The following DNAJC24 variants were observed in gnomAD, a reference collection of about 807,000 sequenced individuals.
The protein encoded by DNAJC24 is DnaJ heat shock protein family (Hsp40) member C24.
A neutral mutation model predicts 18.0 loss-of-function variants in DNAJC24; 17 were observed. The ratio of observed to expected loss-of-function variants is 0.94; its 90% confidence interval spans 0.65 to 1.42. DNAJC24 has a LOEUF of 1.42. Among genes scored for constraint, DNAJC24 ranks in the 40% most tolerant of loss-of-function variants. The pLI is 0.00. For missense variants in DNAJC24, 158 were observed against 175.6 expected (o/e 0.90, Z 0.57); for synonymous variants, 55 against 57.7 (o/e 0.95, Z 0.21).
rs1185571912 is a variant in DNAJC24 at position 31,372,201 on chromosome 11, T to C, written c.111+1342T>C. Among the ~76,000 whole-genome samples, 7 of 152,162 alleles carry C rather than the reference T, an allele frequency of 4.6e-5. No homozygotes were observed. In the East Asian group the frequency reaches 1.2e-3, roughly 25 times the overall value. ...TTATATTCATTTTTTCAATCTGTAT[T>C]GTGATGCTTCTTAAGCCAATGTCTG... On this transcript the variant is annotated intron_variant, in intron 2 of 4. Transcript: ENST00000465995.
chr11:31,416,655 T>C (rs537274603), intron 3 of DNAJC24: 1 of 152,218 alleles, frequency 6.6e-6, no homozygotes, highest in African/African-American at 2.4e-5. Flanking sequence ...ATTAGTGAAG[T>C]TGACTAGAAG....
At position 31,373,057 on chromosome 11, in the gene DNAJC24, G is replaced by A. The variant is rs1265146815; in HGVS notation, c.111+2198G>A. ...GGCCATTTGTATAATTTTCTTTTAT[G>A]AAGTGTTTTTTTTTAAATTAAATAT... On this transcript the variant is annotated intron_variant, in intron 2 of 4. Coordinates refer to ENST00000465995, the MANE Select transcript of DNAJC24 (RefSeq NM_181706.5). Among the ~76,000 whole-genome samples, 13 of 134,022 alleles carry A rather than the reference G, an allele frequency of 9.7e-5. 3 individuals carry two copies. Among genetic ancestry groups the A allele is most frequent in the African/African-American group, 2.7e-4 (11 of 40,112 alleles). The allele number at this position is 134,022 out of a possible 152,430, so 87.9% of individuals were successfully genotyped here. A position where few individuals can be genotyped will look rare whatever the true frequency, so the allele number is the denominator to read the frequency against.
At chr11:31,394,248 G>T (rs951483890) in intron 2 of DNAJC24, among the ~76,000 whole-genome samples, 1 of 152,166 alleles carries the variant, frequency 6.6e-6, no homozygotes, top group Non-Finnish European at 1.5e-5. Context: ...TAAATAGACT[G>T]TGAAAAGGAT....
At chr11:31,412,555 G>A (rs1002321368) in intron 2 of DNAJC24, among the ~76,000 whole-genome samples, 22 of 152,118 alleles carry the variant, frequency 1.4e-4, no homozygotes, top group African/African-American at 5.3e-4. Context: ...TAGGGATATT[G>A]CCTTAATATC....
chr11:31,414,922 A>G lies in DNAJC24; in HGVS notation c.223A>G (p.Lys75Glu). 8.7e-6 allele frequency: 14 copies of G among 1,613,974 alleles called. No homozygotes were observed. The highest frequency in any genetic ancestry group is 1.0e-5 in the Non-Finnish European group (12 of 1,179,950). Residue 75 changes from lysine (K) to glutamate (E), a missense_variant, in exon 3 of 5, where the codon AAA becomes GAA. Physicochemically the swap from Lys to Glu is moderately conservative, Grantham distance 56. Transcript: ENST00000465995. The part of the protein sequence containing the change: ...AWKILGNEET[K>E]REYDLQRCED... ...GAAAATTCTAGGAAATGAAGAGACA[A>G]AAAGAGAGTATGACCTGCAGCGGTG...
intron 2 of DNAJC24, among the ~76,000 whole-genome samples, chr11:31,383,338 C>G (rs181093678): frequency 1.4e-4 from 21 of 152,198 alleles, no homozygotes; most frequent in African/African-American, 5.1e-4. Context: ...CCTAGGGGCC[C>G]CCAGCCACTA....
intron 2 of DNAJC24, among the ~76,000 whole-genome samples, chr11:31,407,945 G>A (rs2133492191): frequency 6.6e-6 from 1 of 151,458 alleles, no homozygotes; most frequent in East Asian, 1.9e-4. Flanking sequence ...AATACCACTG[G>A]CATATTGTTC....
chr11:31,391,481 G>C (rs1032729041), intron 2 of DNAJC24, among the ~76,000 whole-genome samples: 1 of 152,110 alleles, frequency 6.6e-6, no homozygotes, highest in Non-Finnish European at 1.5e-5. Context: ...ATGTACAAAT[G>C]GCAAACAGGT....
intron 2 of DNAJC24, among the ~76,000 whole-genome samples, chr11:31,401,412 T>A (rs1200817724): frequency 6.6e-6 from 1 of 152,034 alleles, no homozygotes; most frequent in Non-Finnish European, 1.5e-5. Flanking sequence ...TTCCTTTTCC[T>A]CTCTTTCTTC....
intron 2 of DNAJC24, among the ~76,000 whole-genome samples, chr11:31,380,845 A>G (rs924859937): frequency 6.6e-6 from 1 of 152,100 alleles, no homozygotes; most frequent in African/African-American, 2.4e-5. Context: ...TTCTGTTGCT[A>G]TAGATTTCTT....
rs1400037434 is a variant in DNAJC24, at chr11:31,431,685, GGT to G, written c.*1287_*1288del. The G allele has an allele frequency of 6.6e-6, 1 of 151,646 alleles. No individual in the cohort carries two copies. The highest frequency in any genetic ancestry group is 1.5e-5 in the Non-Finnish European group (1 of 67,958). The allele number at this position is 151,646 out of a possible 1,614,324, so 9.4% of individuals were successfully genotyped here. On this transcript the variant is annotated 3_prime_UTR_variant, in exon 5 of 5. Coordinates refer to ENST00000465995, the MANE Select transcript of DNAJC24 (RefSeq NM_181706.5). ...TTTTTAAAAATTAGCCAGTCACGTT[GGT>G]GTCTGCCTGTGGTCCCAGCTACTCG...
intron 2 of DNAJC24, among the ~76,000 whole-genome samples, chr11:31,392,663 T>C (rs1047421503): frequency 6.6e-6 from 1 of 151,922 alleles, no homozygotes; most frequent in African/African-American, 2.4e-5. Flanking sequence ...GTGAATGAGA[T>C]TAATGCCCTT....
At chr11:31,382,528 A>C (rs766889227) in intron 2 of DNAJC24, among the ~76,000 whole-genome samples, 1 of 152,200 alleles carries the variant, frequency 6.6e-6, no homozygotes, top group Non-Finnish European at 1.5e-5. Context: ...TTGTCCATCA[A>C]AACATTTAAA....
chr11:31,373,772 G>A lies in DNAJC24; in HGVS notation c.111+2913G>A, dbSNP rs184336619. On this transcript the variant is annotated intron_variant, in intron 2 of 4. Transcript: ENST00000465995. ...ACTTAAGCCATCTTTCATTTCTCTC[G>A]TCAGTGTTTTATAATTTTCAGTGTA... Among the ~76,000 whole-genome samples the A allele has an allele frequency of 3.8e-4, 51 of 134,120 alleles. 6 individuals are homozygous for A. The highest frequency in any genetic ancestry group is 1.2e-3 in the East Asian group (6 of 5,122). The allele number at this position is 134,120 out of a possible 152,430, so 88.0% of individuals were successfully genotyped here.
Position 31,432,649 on chromosome 11 carries a change from C to A in DNAJC24, c.*2248C>A. On this transcript the variant is annotated 3_prime_UTR_variant, in exon 5 of 5. Coordinates refer to ENST00000465995, the MANE Select transcript of DNAJC24 (RefSeq NM_181706.5). ...TCATATTCCCTTTTGCTATCTGTCCCTTTTCTCTATGCCAGATAAACACTT... is the reference window on the plus strand; with the variant it reads ...TCATATTCCCTTTTGCTATCTGTCCATTTTCTCTATGCCAGATAAACACTT... The A allele has an allele frequency of 1.1e-6, 1 of 930,026 alleles. No homozygotes were observed. Among genetic ancestry groups the A allele is most frequent in the Non-Finnish European group, 1.8e-6 (1 of 565,242 alleles). The allele number at this position is 930,026 out of a possible 1,614,324, so 57.6% of individuals were successfully genotyped here.
At chr11:31,404,961 T>A (rs1952640643) in intron 2 of DNAJC24, among the ~76,000 whole-genome samples, 1 of 152,038 alleles carries the variant, frequency 6.6e-6, no homozygotes, top group Non-Finnish European at 1.5e-5. Flanking sequence ...CTTGTTGTTA[T>A]GACACTTATT....
chr11:31,402,188 A>G (rs1287856996), intron 2 of DNAJC24, among the ~76,000 whole-genome samples: 2 of 152,206 alleles, frequency 1.3e-5, no homozygotes, highest in Non-Finnish European at 2.9e-5. Flanking sequence ...ATGTTAGTGT[A>G]CTGAATACTA....
intron 2 of DNAJC24, among the ~76,000 whole-genome samples, chr11:31,391,963 G>A (rs1952500538): frequency 6.6e-6 from 1 of 152,104 alleles, no homozygotes; most frequent in African/African-American, 2.4e-5. Context: ...ATGGAAAGAA[G>A]AGGACATTAT....
At chr11:31,390,124 G>A (rs530017749) in intron 2 of DNAJC24, among the ~76,000 whole-genome samples, 126 of 152,254 alleles carry the variant, frequency 8.3e-4, no homozygotes, top group Non-Finnish European at 1.6e-3. Flanking sequence ...ATCAAGCTGG[G>A]CACAGTGGCT....
Sources: gnomAD v4.1 joint callset for allele counts (sites outside exome capture counted in the v4.1 genomes callset) on GRCh38, gnomAD v4.1.1 for gene constraint, MANE v1.5 for transcripts, NCBI Gene and HGNC (gene_info 2026-07-23, HGNC 2026-07-21) for gene names.